PTGER3: variants seen among roughly 807,000 people sequenced by gnomAD.
The protein encoded by PTGER3 is prostaglandin E receptor 3.
In PTGER3, 22 loss-of-function variants were observed where a neutral mutation model predicts 34.7. The ratio of observed to expected loss-of-function variants is 0.63; its 90% confidence interval spans 0.45 to 0.91. The LOEUF is 0.91. Ranked by LOEUF, PTGER3 falls within the 40% of genes least tolerant of loss-of-function variation. The pLI is 0.00. For synonymous variants in PTGER3, 241 were observed against 230.1 expected, an observed-to-expected ratio of 1.05 and a Z score of -0.43; for missense variants, 468 against 519.4, an observed-to-expected ratio of 0.90 and a Z score of 0.96.
chr1:70,935,458 G>A (rs1009172171), intron 4 of PTGER3, among the ~76,000 whole-genome samples: 4 of 151,944 alleles, frequency 2.6e-5, no homozygotes, highest in Non-Finnish European at 4.4e-5. Context: ...AGAAGCTGAG[G>A]TTGTGCCTTA....
chr1:70,874,686 C>A lies in PTGER3; in HGVS notation c.*24-21827G>T, dbSNP rs6424407. On this transcript the variant is annotated intron_variant, in intron 4 of 4. Coordinates refer to the PTGER3 transcript ENST00000370931. ...TCTCTCCTTCTGTCTCTGTCTCTCTCTCTGAAACTTCCCCATACCCCTTTC... is the reference window on the plus strand; with the variant it reads ...TCTCTCCTTCTGTCTCTGTCTCTCTATCTGAAACTTCCCCATACCCCTTTC... 3.8e-3 allele frequency among the ~76,000 whole-genome samples: 579 copies of A among 152,272 alleles called. 6 individuals carry two copies. The highest frequency in any genetic ancestry group is 0.013 in the African/African-American group (545 of 41,558).
chr1:71,009,838 C>T, intron 2 of PTGER3: 1 of 985,126 alleles, frequency 1.0e-6, no homozygotes, highest in Non-Finnish European at 1.2e-6. Context: ...CGTCTTTCTG[C>T]TGTGACTACA....
At chr1:70,854,525 T>A (rs1343530279) in intron 4 of PTGER3, among the ~76,000 whole-genome samples, 1 of 152,140 alleles carries the variant, frequency 6.6e-6, no homozygotes, top group Non-Finnish European at 1.5e-5. Context: ...TGATTGCTCA[T>A]GGGGACAGAT....
At chr1:71,037,339 C>A (rs190880496) in intron 1 of PTGER3, among the ~76,000 whole-genome samples, 1 of 152,184 alleles carries the variant, frequency 6.6e-6, no homozygotes, top group South Asian at 2.1e-4. Context: ...GCACAGATTG[C>A]ATACTGCTCA....
At chr1:70,935,693 A>ATATATATATATATATATATATATAT (rs1491421864) in intron 4 of PTGER3, among the ~76,000 whole-genome samples, 1 of 140,726 alleles carries the variant, frequency 7.1e-6, no homozygotes, top group African/African-American at 2.6e-5. Flanking sequence ...ATATATATAT[A>ATATATATATATATATATATATATAT]TGTTCTGCTT....
intron 2 of PTGER3, among the ~76,000 whole-genome samples, chr1:70,990,527 A>T (rs981474820): frequency 1.3e-5 from 2 of 151,584 alleles, no homozygotes; most frequent in African/African-American, 4.8e-5. Context: ...AAATACATGT[A>T]TGTACATGTA....
At chr1:70,990,531 A>C (rs1655377274) in intron 2 of PTGER3, among the ~76,000 whole-genome samples, 1 of 151,734 alleles carries the variant, frequency 6.6e-6, no homozygotes, top group Admixed American at 6.6e-5. Flanking sequence ...ACATGTATGT[A>C]CATGTATATA....
At chr1:70,899,880 A>G (rs554448689) in intron 4 of PTGER3, among the ~76,000 whole-genome samples, 21 of 152,262 alleles carry the variant, frequency 1.4e-4, no homozygotes, top group African/African-American at 4.8e-4. Flanking sequence ...TAATTGTACT[A>G]TATCCTTCAA....
chr1:71,009,279 A>G, intron 2 of PTGER3: 1 of 984,802 alleles, frequency 1.0e-6, no homozygotes, highest in Non-Finnish European at 1.2e-6. Context: ...GAGGTTTTGC[A>G]TTATTTTCTG....
intron 4 of PTGER3, among the ~76,000 whole-genome samples, chr1:70,885,679 C>T (rs551336524): frequency 1.4e-4 from 21 of 152,012 alleles, no homozygotes; most frequent in Non-Finnish European, 2.5e-4. Flanking sequence ...GCTCTGAGGG[C>T]CCAAGAATAA....
At chr1:70,901,070 A>C (rs1646828368) in intron 4 of PTGER3, among the ~76,000 whole-genome samples, 1 of 152,172 alleles carries the variant, frequency 6.6e-6, no homozygotes. Context: ...GCCCATAGGA[A>C]AAACAGGAAG....
intron 1 of PTGER3, among the ~76,000 whole-genome samples, chr1:71,028,436 T>G (rs11209737): frequency 0.011 from 1,697 of 152,328 alleles, 42 homozygotes; most frequent in African/African-American, 0.039. Flanking sequence ...AAGGCTGCCC[T>G]AATTTTGGAT....
rs746382783 is a variant in PTGER3, at chr1:70,974,360, G to A, written c.1106C>T (p.Ser369Phe). The A allele has an allele frequency of 8.3e-7, 1 of 1,202,304 alleles. No individual in the cohort carries two copies. The highest frequency in any genetic ancestry group is 1.2e-5 in the South Asian group (1 of 82,850). 74.5% of individuals were successfully genotyped at this position (1,202,304 alleles called of 1,614,324 possible). Residue 369 changes from serine (S) to phenylalanine (F), a missense_variant, in exon 3 of 4, where the codon TCC becomes TTC. Around this residue, in one of 5 missense-constraint regions of PTGER3, gnomAD observed 57 missense variants for 43.8 expected, o/e 1.30. Coordinates refer to ENST00000306666, the MANE Select transcript of PTGER3 (RefSeq NM_198719.2). ...CTGGCAGGGTAAGGAGGTGGAGCTG[G>A]ATGCATAGTTGTTTGTGTGGTACCT... is the stretch of plus-strand genomic sequence containing the variant. ...QIRYHTNNYA[S>F]SSTSLPCQCS...
chr1:70,930,034 AAC>A (rs1183924587), intron 4 of PTGER3, among the ~76,000 whole-genome samples: 2 of 152,224 alleles, frequency 1.3e-5, no homozygotes, highest in African/African-American at 4.8e-5. Flanking sequence ...AGATGAAGCT[AAC>A]AGGCAAATTA....
At chr1:71,013,441 G>A (rs960523723) in intron 1 of PTGER3, among the ~76,000 whole-genome samples, 2 of 152,028 alleles carry the variant, frequency 1.3e-5, no homozygotes, top group Non-Finnish European at 2.9e-5. Flanking sequence ...GGTGGCTCAC[G>A]CCTGTAATCC....
chr1:71,002,357 T>A (rs1246722009), intron 2 of PTGER3: 1 of 152,200 alleles, frequency 6.6e-6, no homozygotes, highest in Non-Finnish European at 1.5e-5. Flanking sequence ...TTTAATGGAT[T>A]GTCAAGGGCA....
intron 4 of PTGER3, among the ~76,000 whole-genome samples, chr1:70,904,715 T>C (rs527804427): frequency 3.7e-4 from 57 of 152,288 alleles, no homozygotes; most frequent in African/African-American, 1.3e-3. Flanking sequence ...TTGGGTGCTG[T>C]TAAAGGCATT....
At chr1:70,884,566 G>A (rs759053102) in intron 4 of PTGER3, among the ~76,000 whole-genome samples, 1 of 152,190 alleles carries the variant, frequency 6.6e-6, no homozygotes, top group Non-Finnish European at 1.5e-5. Flanking sequence ...TGAGACCACA[G>A]CCTAGGCTGA....
chr1:70,914,622 T>C (rs1301908894), intron 4 of PTGER3, among the ~76,000 whole-genome samples: 1 of 151,938 alleles, frequency 6.6e-6, no homozygotes, highest in Non-Finnish European at 1.5e-5. Flanking sequence ...ATATCTCTGA[T>C]AGGATTTGAT....
Sources: allele counts gnomAD v4.1 joint callset (sites outside exome capture counted in the v4.1 genomes callset), GRCh38; gene constraint gnomAD v4.1.1; regional missense constraint gnomAD v4.1.1; transcripts MANE v1.5; gene names NCBI Gene and HGNC (gene_info 2026-07-23, HGNC 2026-07-21).